Variants in RIMS2 observed in about 807,000 individuals in gnomAD.
RIMS2 encodes the protein regulating synaptic membrane exocytosis 2, also known as regulating synaptic membrane exocytosis protein 2.
In RIMS2, 59 loss-of-function variants were observed where a neutral mutation model predicts 174.4. The ratio of observed to expected loss-of-function variants is 0.34; its 90% confidence interval spans 0.27 to 0.42. The LOEUF is 0.42. Ranked by LOEUF, RIMS2 falls within the 10% of genes least tolerant of loss-of-function variation. The probability of loss-of-function intolerance (pLI) is 1.00; values close to 1 mark genes in which losing one functional copy is unlikely to be tolerated. For synonymous variants in RIMS2, 606 were observed against 572.5 expected, an observed-to-expected ratio of 1.06 and a Z score of -0.84; for missense variants, 1,620 against 1,666.3, an observed-to-expected ratio of 0.97 and a Z score of 0.48.
At chr8:103,568,908 A>G in intron 1 of RIMS2, 1 of 1,031,492 alleles carries the variant, frequency 9.7e-7, no homozygotes. Flanking sequence ...ACATTGCTGC[A>G]ACACATCAGT....
At chr8:103,610,374 A>G (rs969378608) in intron 1 of RIMS2, among the ~76,000 whole-genome samples, 3 of 152,110 alleles carry the variant, frequency 2.0e-5, no homozygotes, top group African/African-American at 7.2e-5. Context: ...TTTGTTGAAT[A>G]GGAGTGGTGA....
intron 19 of RIMS2, among the ~76,000 whole-genome samples, chr8:104,119,367 A>G (rs900841612): frequency 1.3e-5 from 2 of 151,464 alleles, no homozygotes; most frequent in African/African-American, 2.4e-5. Flanking sequence ...CTCAAAAACA[A>G]AAAAAACAAA....
At chr8:103,574,921 T>C (rs1057180693) in intron 1 of RIMS2, among the ~76,000 whole-genome samples, 1 of 152,218 alleles carries the variant, frequency 6.6e-6, no homozygotes, top group Non-Finnish European at 1.5e-5. Flanking sequence ...TTTAACCATA[T>C]TACAATGAAT....
chr8:103,801,777 A>G (rs2098609678), intron 3 of RIMS2, among the ~76,000 whole-genome samples: 1 of 152,144 alleles, frequency 6.6e-6, no homozygotes, highest in Non-Finnish European at 1.5e-5. Context: ...GCCGTTATCC[A>G]TTTCCTGTAG....
At chr8:103,505,402 A>T (rs1452282645) in intron 1 of RIMS2, among the ~76,000 whole-genome samples, 1 of 152,176 alleles carries the variant, frequency 6.6e-6, no homozygotes, top group Admixed American at 6.5e-5. Flanking sequence ...CTGTGACTGT[A>T]TAGCTGCCTC....
intron 1 of RIMS2, among the ~76,000 whole-genome samples, chr8:103,584,864 C>T (rs1311526367): frequency 6.6e-6 from 1 of 152,032 alleles, no homozygotes; most frequent in Admixed American, 6.6e-5. Flanking sequence ...TTAAAAATGG[C>T]AGGAGTAAGC....
At position 103,949,433 on chromosome 8, in the gene RIMS2, G is replaced by C. The variant is rs1405586602; in HGVS notation, c.2701+6507G>C. On this transcript the variant is annotated intron_variant, in intron 14 of 23. Transcript: ENST00000504942. ...TATCGATAAGTTTAAAAGTACTCAA[G>C]TCAAAGTTTGTTATCTGATCACGAT... Among the ~76,000 whole-genome samples the C allele has an allele frequency of 2.0e-5, 3 of 152,108 alleles. No individual in the cohort carries two copies. The East Asian group carries it at 5.8e-4, about 29-fold the overall frequency.
At chr8:103,786,970 A>G (rs1224051413) in intron 3 of RIMS2, among the ~76,000 whole-genome samples, 3 of 151,372 alleles carry the variant, frequency 2.0e-5, no homozygotes, top group Non-Finnish European at 1.5e-5. Context: ...TTGGGTGCAT[A>G]TATATTTAGG....
intron 1 of RIMS2, among the ~76,000 whole-genome samples, chr8:103,501,940 G>T (rs958135499): frequency 2.0e-5 from 3 of 152,204 alleles, no homozygotes; most frequent in Admixed American, 1.3e-4. Flanking sequence ...GTTATCTTTA[G>T]CTCTGAGACT....
intron 3 of RIMS2, among the ~76,000 whole-genome samples, chr8:103,829,797 A>G (rs184038619): frequency 7.6e-4 from 115 of 152,312 alleles, no homozygotes; most frequent in African/African-American, 2.6e-3. Flanking sequence ...TACATGCCAG[A>G]TCCCCAAGTT....
chr8:103,978,354 A>G (rs905881852), intron 16 of RIMS2, among the ~76,000 whole-genome samples: 2 of 117,038 alleles, frequency 1.7e-5, no homozygotes, highest in African/African-American at 5.1e-5. Flanking sequence ...TCTAGGGCAA[A>G]AATGGTAGTC....
At chr8:103,772,823 CAGAG>C in intron 3 of RIMS2, among the ~76,000 whole-genome samples, 1 of 152,138 alleles carries the variant, frequency 6.6e-6, no homozygotes, top group South Asian at 2.1e-4. Flanking sequence ...TAATTTTTGA[CAGAG>C]AGGCAAAGGC....
intron 2 of RIMS2, among the ~76,000 whole-genome samples, chr8:103,740,514 T>G (rs578198322): frequency 5.0e-4 from 76 of 152,276 alleles, no homozygotes; most frequent in Middle Eastern, 6.8e-3. Context: ...ACTTATCTAG[T>G]CTGGTGTTAG....
chr8:103,887,195 T>A (rs979290086), intron 4 of RIMS2, among the ~76,000 whole-genome samples: 16 of 151,784 alleles, frequency 1.1e-4, no homozygotes, highest in African/African-American at 3.9e-4. Context: ...TATCTGCATT[T>A]GATATCTTCT....
chr8:104,131,932 A>G (rs2098477300), intron 19 of RIMS2, among the ~76,000 whole-genome samples: 1 of 152,082 alleles, frequency 6.6e-6, no homozygotes, highest in Non-Finnish European at 1.5e-5. Context: ...AAATAATGGG[A>G]ACTAATTGCC....
At chr8:104,189,013 A>G (rs1027322254) in intron 19 of RIMS2, among the ~76,000 whole-genome samples, 1 of 151,914 alleles carries the variant, frequency 6.6e-6, no homozygotes, top group Admixed American at 6.6e-5. Context: ...GCTCTTCATA[A>G]GTTAAATTAT....
At chr8:104,209,157 T>G (rs2099094186) in intron 19 of RIMS2, among the ~76,000 whole-genome samples, 1 of 152,166 alleles carries the variant, frequency 6.6e-6, no homozygotes, top group South Asian at 2.1e-4. Context: ...GGAGACCACA[T>G]TTCCCTAGAT....
intron 3 of RIMS2, among the ~76,000 whole-genome samples, chr8:103,840,755 G>A (rs1380433480): frequency 6.6e-6 from 1 of 152,070 alleles, no homozygotes; most frequent in Non-Finnish European, 1.5e-5. Flanking sequence ...ACAGTTCAGT[G>A]TATTCACTGT....
chr8:103,935,149 A>G (rs2080959690), intron 12 of RIMS2, among the ~76,000 whole-genome samples: 1 of 152,220 alleles, frequency 6.6e-6, no homozygotes, highest in Non-Finnish European at 1.5e-5. Flanking sequence ...TGTTAAAGCT[A>G]TAAACGAAAG....
Sources: gnomAD v4.1 joint callset for allele counts (sites outside exome capture counted in the v4.1 genomes callset) on GRCh38, gnomAD v4.1.1 for gene constraint, MANE v1.5 for transcripts, NCBI Gene and HGNC (gene_info 2026-07-23, HGNC 2026-07-21) for gene names.